BACH2: variants seen among roughly 807,000 people sequenced by gnomAD.
The protein encoded by BACH2 is BACH transcriptional regulator 2.
A neutral mutation model predicts 61.8 loss-of-function variants in BACH2; 5 were observed. The observed-to-expected ratio is 0.08, with a 90% confidence interval of 0.04 to 0.17. The LOEUF is 0.17. Ranked by LOEUF, BACH2 falls within the 10% of genes least tolerant of loss-of-function variation. The pLI is 1.00. For synonymous variants in BACH2, 446 were observed against 440.1 expected, an observed-to-expected ratio of 1.01 and a Z score of -0.17; for missense variants, 824 against 1,091.1, an observed-to-expected ratio of 0.76 and a Z score of 3.45.
At position 90,290,706 on chromosome 6, in the gene BACH2, A is replaced by G. The variant is rs141072992; in HGVS notation, c.-446+5774T>C. Among the ~76,000 whole-genome samples the G allele has an allele frequency of 2.0e-3, 298 of 152,368 alleles. 3 individuals carry two copies. Among genetic ancestry groups the G allele is most frequent in the African/African-American group, 7.0e-3 (290 of 41,600 alleles). On this transcript the variant is annotated intron_variant, in intron 1 of 8. Transcript: ENST00000257749. ...TCTCCCAACTTTAAAATCCGAAGTG[A>G]AGGTCTAAGCTGTCTTTGGGTTAGA...
At chr6:89,937,357 C>G (rs143525227) in intron 8 of BACH2, among the ~76,000 whole-genome samples, 402 of 152,274 alleles carry the variant, frequency 2.6e-3, no homozygotes, top group African/African-American at 9.2e-3. Flanking sequence ...GGTTTGCATT[C>G]AAGTTCTACC....
At position 89,950,950 on chromosome 6, in the gene BACH2, T is replaced by G. The variant is rs1584520239; in HGVS notation, c.1156A>C (p.Thr386Pro). 6.4e-7 allele frequency: 1 copy of G among 1,571,960 alleles called. No homozygotes were observed. Among genetic ancestry groups the G allele is most frequent in the Non-Finnish European group, 8.6e-7 (1 of 1,159,356 alleles). Residue 386 changes from threonine to proline, a missense_variant, in exon 7 of 9, where the codon ACC becomes CCC. Transcript: ENST00000257749. This position sits in a 1 kb window ranked among gnomAD's most constrained non-coding sequence, Gnocchi z 5.3. ...TGTCCATAATTCCCTGTGAAAGGGG[T>G]GTAGTCAGTTTTAAGGTCACCCTGA... ...ITQGDLKTDYTPFTGNYGQPH... is the reference protein window; with the variant it reads ...ITQGDLKTDYPPFTGNYGQPH...
At chr6:90,017,036 T>C (rs1250423579) in intron 5 of BACH2, among the ~76,000 whole-genome samples, 1 of 152,156 alleles carries the variant, frequency 6.6e-6, no homozygotes, top group African/African-American at 2.4e-5. Flanking sequence ...CTTGGATACG[T>C]GGATAGTTTT....
intron 5 of BACH2, among the ~76,000 whole-genome samples, chr6:90,061,922 A>G (rs1383654410): frequency 6.6e-6 from 1 of 152,186 alleles, no homozygotes; most frequent in East Asian, 1.9e-4. Flanking sequence ...GAGTCTAGAT[A>G]ATACCTATAG....
intron 3 of BACH2, among the ~76,000 whole-genome samples, chr6:90,241,233 C>G (rs1770442646): frequency 6.6e-6 from 1 of 151,436 alleles, no homozygotes; most frequent in Non-Finnish European, 1.5e-5. Flanking sequence ...TAATGTATCA[C>G]TTAATAGATT....
intron 4 of BACH2, among the ~76,000 whole-genome samples, chr6:90,203,780 A>G (rs1769040109): frequency 6.6e-6 from 1 of 152,194 alleles, no homozygotes; most frequent in Admixed American, 6.5e-5. Flanking sequence ...CCTTATGCGC[A>G]GGAATGCCCT....
chr6:90,182,979 T>C (rs915652063), intron 4 of BACH2, among the ~76,000 whole-genome samples: 1 of 152,204 alleles, frequency 6.6e-6, no homozygotes, highest in Non-Finnish European at 1.5e-5. Context: ...TATTTTGAAC[T>C]TAAAACTGCA....
At chr6:90,094,482 T>A (rs1393397430) in intron 4 of BACH2, among the ~76,000 whole-genome samples, 1 of 152,232 alleles carries the variant, frequency 6.6e-6, no homozygotes, top group East Asian at 1.9e-4. Flanking sequence ...AATGTCCTCC[T>A]GTTGTCAATT....
At chr6:90,290,917 T>C (rs1772157868) in intron 1 of BACH2, among the ~76,000 whole-genome samples, 1 of 151,890 alleles carries the variant, frequency 6.6e-6, no homozygotes, top group Non-Finnish European at 1.5e-5. Flanking sequence ...AATAATGAGA[T>C]GAATGGGAGG....
chr6:90,210,619 A>G (rs558207905), intron 3 of BACH2, among the ~76,000 whole-genome samples: 4 of 152,222 alleles, frequency 2.6e-5, no homozygotes, highest in Admixed American at 2.6e-4. Context: ...CTGAGTTACC[A>G]TGGTGGAATC....
chr6:90,295,691 T>G (rs560993459), intron 1 of BACH2, among the ~76,000 whole-genome samples: 1 of 148,886 alleles, frequency 6.7e-6, no homozygotes, highest in South Asian at 2.1e-4. Context: ...GTGTTGCACC[T>G]TGACTTCATG....
intron 4 of BACH2, among the ~76,000 whole-genome samples, chr6:90,121,847 C>T (rs922670750): frequency 6.6e-6 from 1 of 152,094 alleles, no homozygotes; most frequent in Admixed American, 6.5e-5. Flanking sequence ...TGCCCGGCCA[C>T]CTTTGCATAT....
chr6:89,956,114 G>A (rs1774412291), intron 6 of BACH2, among the ~76,000 whole-genome samples: 1 of 152,144 alleles, frequency 6.6e-6, no homozygotes, highest in South Asian at 2.1e-4. Context: ...TATGGTGTTA[G>A]GGACAACTTG....
chr6:90,207,486 T>C (rs1365007606), intron 3 of BACH2, among the ~76,000 whole-genome samples: 1 of 152,180 alleles, frequency 6.6e-6, no homozygotes, highest in South Asian at 2.1e-4. Context: ...AATGGACTTG[T>C]AGCCTTTTCC....
intron 5 of BACH2, among the ~76,000 whole-genome samples, chr6:90,052,466 C>G (rs1780094499): frequency 6.6e-6 from 1 of 152,122 alleles, no homozygotes; most frequent in African/African-American, 2.4e-5. Flanking sequence ...GTTACCCAGG[C>G]TGGAGTTCAG....
intron 6 of BACH2, among the ~76,000 whole-genome samples, chr6:89,994,162 T>C (rs1776726513): frequency 1.3e-5 from 2 of 152,160 alleles, no homozygotes; most frequent in African/African-American, 2.4e-5. Context: ...AGTATGTGTA[T>C]ACCAAGGGAA....
Position 89,932,658 on chromosome 6 carries a change from T to G in BACH2, c.2276A>C (p.Gln759Pro). 6.2e-7 allele frequency: 1 copy of G among 1,614,024 alleles called. No homozygotes were observed. Among genetic ancestry groups the G allele is most frequent in the African/African-American group, 1.3e-5 (1 of 74,992 alleles). ...LGAEQNIAAS[Q>P]CAVGENVPCC... The stretch of plus-strand genomic sequence containing the variant: ...GGGCACGTTTTCCCCCACTGCGCAT[T>G]GGGAGGCCGCAATGTTCTGCTCAGC... The change falls in exon 9 of 9, where the codon CAA becomes CCA. Residue 759 changes from glutamine to proline, a missense_variant. By Grantham distance (76) the Gln-to-Pro change is moderately conservative (BLOSUM62 -1). Coordinates refer to ENST00000257749, the MANE Select transcript of BACH2 (RefSeq NM_021813.4).
intron 4 of BACH2, among the ~76,000 whole-genome samples, chr6:90,167,080 C>T (rs1476564832): frequency 6.6e-6 from 1 of 152,052 alleles, no homozygotes; most frequent in Non-Finnish European, 1.5e-5. Context: ...AATTTATGTG[C>T]TGTGGACCAT....
intron 1 of BACH2, among the ~76,000 whole-genome samples, 180 bp downstream of exon 1, chr6:90,296,300 G>A (rs1336095168): frequency 1.3e-5 from 2 of 151,690 alleles, no homozygotes; most frequent in East Asian, 2.0e-4. Flanking sequence ...CCCGTTCCTA[G>A]AAAATGCCAT....
Sources: allele counts gnomAD v4.1 joint callset (sites outside exome capture counted in the v4.1 genomes callset), GRCh38; gene constraint gnomAD v4.1.1; non-coding constraint Gnocchi (gnomAD v3.1); transcripts MANE v1.5; gene names NCBI Gene and HGNC (gene_info 2026-07-23, HGNC 2026-07-21).